The following WDR17 variants were observed in gnomAD, a reference collection of about 807,000 sequenced individuals.
WDR17 encodes WD repeat domain 17, also known as WD repeat-containing protein 17.
WDR17 carries 143 observed loss-of-function variants against 161.7 expected under a neutral mutation model. That is an observed-to-expected ratio of 0.88 (90% CI 0.77 to 1.02). WDR17 has a LOEUF of 1.02. Ranked by LOEUF, WDR17 falls within the 50% of genes least tolerant of loss-of-function variation. The probability of loss-of-function intolerance (pLI) is 0.00; values close to 1 mark genes in which losing one functional copy is unlikely to be tolerated. For missense variants in WDR17, 1,469 were observed against 1,520.9 expected (o/e 0.97, Z 0.57); for synonymous variants, 517 against 515.6 (o/e 1.00, Z -0.04).
chr4:176,180,727 A>G lies in WDR17; in HGVS notation c.*1148A>G, dbSNP rs1307140283. On this transcript the variant is annotated 3_prime_UTR_variant, in exon 29 of 29. Coordinates refer to ENST00000508596, the MANE Select transcript of WDR17 (RefSeq NM_181265.4). ...CTCTGTCTCAAAAAACAAACCAACA[A>G]AAACCACAATTGATTTGATGAAAAT... The G allele has an allele frequency of 6.6e-6, 1 of 152,194 alleles. No homozygotes were observed. Among genetic ancestry groups the G allele is most frequent in the East Asian group, 1.9e-4 (1 of 5,196 alleles). The allele number at this position is 152,194 out of a possible 1,614,324, so 9.4% of individuals were successfully genotyped here. A position where few individuals can be genotyped will look rare whatever the true frequency, so the allele number is the denominator to read the frequency against.
chr4:176,163,224 A>G lies in WDR17; in HGVS notation c.2921A>G (p.Glu974Gly). 6.2e-7 allele frequency: 1 copy of G among 1,612,538 alleles called. No homozygotes were observed. Among genetic ancestry groups the G allele is most frequent in the Non-Finnish European group, 8.5e-7 (1 of 1,179,246 alleles). The change falls in exon 22 of 29, where the codon GAG (glutamate) becomes GGG (glycine). Residue 974 changes from glutamate to glycine, a missense_variant. Coordinates refer to ENST00000508596, the MANE Select transcript of WDR17 (RefSeq NM_181265.4). ...GTCTGTGTGGGCACAGTACTAGGAG[A>G]GTCTGCAGCACCAGCAACCCACTAT... ...LAVCVGTVLGESAAPATHYAL... is the reference protein window; with the variant it reads ...LAVCVGTVLGGSAAPATHYAL...
chr4:176,159,906 A>T, intron 18 of WDR17, 88 bp from the exon 19 acceptor site: 1 of 1,307,580 alleles, frequency 7.6e-7, no homozygotes, highest in African/African-American at 1.5e-5. Context: ...ATCTGCTACA[A>T]ATTTTAGCCA....
chr4:176,080,445 T>C (rs1734595602), intron 1 of WDR17, among the ~76,000 whole-genome samples: 1 of 151,234 alleles, frequency 6.6e-6, no homozygotes, highest in African/African-American at 2.4e-5. Context: ...AACAAAAAGA[T>C]TTTAAAAAAA....
chr4:176,176,267 AATGT>A, intron 26 of WDR17, among the ~76,000 whole-genome samples: 1 of 152,200 alleles, frequency 6.6e-6, no homozygotes, highest in Non-Finnish European at 1.5e-5. Context: ...AAGTTTAGGG[AATGT>A]GTTAGCTTAG....
At chr4:176,108,520 A>G (rs1739180408) in intron 1 of WDR17, among the ~76,000 whole-genome samples, 1 of 152,056 alleles carries the variant, frequency 6.6e-6, no homozygotes, top group Non-Finnish European at 1.5e-5. Context: ...CATTTGTCAA[A>G]ACCTGTATGA....
At chr4:176,148,479 TTTA>T (rs1417168920) in intron 13 of WDR17, 144 bp downstream of exon 13, 1 of 736,482 alleles carries the variant, frequency 1.4e-6, no homozygotes, top group African/African-American at 1.8e-5. Flanking sequence ...AATATACACG[TTTA>T]TTATTATAAT....
chr4:176,177,624 C>T lies in WDR17; in HGVS notation c.3702C>T (p.His1234=). Residue 1234 remains histidine, a synonymous_variant, in exon 28 of 29, where the codon CAC becomes CAT. Transcript: ENST00000508596. ...ATCTTCCAAGTCATTCTGATATTCA[C>T]ATTTCTTGTCTTACGGGATTAAAAA... ...GSNLPSHSDI[H]ISCLTGLKIQ... The T allele has an allele frequency of 6.3e-7, 1 of 1,594,316 alleles. No individual in the cohort carries two copies. The highest frequency in any genetic ancestry group is 8.5e-7 in the Non-Finnish European group (1 of 1,174,844).
chr4:176,145,475 CAA>C (rs1746017030), intron 11 of WDR17, among the ~76,000 whole-genome samples: 1 of 152,196 alleles, frequency 6.6e-6, no homozygotes, highest in Non-Finnish European at 1.5e-5. Flanking sequence ...TCCAATCAGA[CAA>C]CCCTGGTCTG....
chr4:176,149,639 A>G (rs1362458121), intron 13 of WDR17, among the ~76,000 whole-genome samples, 168 bp from the exon 14 acceptor site: 2 of 152,126 alleles, frequency 1.3e-5, no homozygotes, highest in East Asian at 1.9e-4. Context: ...GCATTCTTAT[A>G]TTATTTTCAG....
intron 19 of WDR17, 49 bp downstream of exon 19, chr4:176,160,175 T>C: frequency 6.2e-7 from 1 of 1,603,746 alleles, no homozygotes; most frequent in Non-Finnish European, 8.5e-7. Context: ...CTTGAGCATG[T>C]AGAAGGGAGA....
intron 5 of WDR17, among the ~76,000 whole-genome samples, chr4:176,128,232 C>T (rs1214453900): frequency 2.0e-5 from 3 of 152,192 alleles, no homozygotes; most frequent in Non-Finnish European, 4.4e-5. Flanking sequence ...AACTGCCAGA[C>T]TTTTCTCCAT....
chr4:176,112,331 T>A (rs1452986060), intron 2 of WDR17, among the ~76,000 whole-genome samples: 3 of 152,228 alleles, frequency 2.0e-5, no homozygotes, highest in Non-Finnish European at 4.4e-5. Flanking sequence ...AATCTCTTAA[T>A]AGTCTCTACT....
Position 176,149,824 on chromosome 4 carries a change from A to T in WDR17, c.1915A>T (p.Ser639Cys). ...TTCATCAGGTTTAACCTGCCATCCC[A>T]GTCGCCCCTTCACTATGGCCTCTTG... ...ADVYGLTCHP[S>C]RPFTMASCSR... Residue 639 changes from serine to cysteine, a missense_variant, in exon 14 of 29, where the codon AGT becomes TGT. Transcript: ENST00000508596. 1.9e-6 allele frequency: 3 copies of T among 1,613,138 alleles called. No individual in the cohort carries two copies. The highest frequency in any genetic ancestry group is 2.2e-5 in the East Asian group (1 of 44,862).
At chr4:176,070,544 G>C (rs1733091405) in intron 1 of WDR17, among the ~76,000 whole-genome samples, 1 of 149,514 alleles carries the variant, frequency 6.7e-6, no homozygotes, top group Admixed American at 6.7e-5. Context: ...TTTTTCTTCT[G>C]AGACAGGGTC....
intron 19 of WDR17, among the ~76,000 whole-genome samples, chr4:176,160,446 C>T (rs956412957): frequency 4.8e-4 from 73 of 152,198 alleles, no homozygotes; most frequent in African/African-American, 1.7e-3. Context: ...CTCAGCCTCC[C>T]GAGTAGCTGG....
chr4:176,114,437 T>C (rs1561120525), intron 2 of WDR17, among the ~76,000 whole-genome samples: 1 of 152,002 alleles, frequency 6.6e-6, no homozygotes, highest in Non-Finnish European at 1.5e-5. Flanking sequence ...AGTCAAAAAT[T>C]TTACATACAA....
At chr4:176,112,633 C>T (rs141898365) in intron 2 of WDR17, among the ~76,000 whole-genome samples, 1,687 of 152,174 alleles carry the variant, frequency 0.011, 18 homozygotes, top group Non-Finnish European at 0.016. Flanking sequence ...TCTCATCTTT[C>T]GAATCTCAGC....
intron 20 of WDR17, among the ~76,000 whole-genome samples, chr4:176,161,529 C>T (rs985506730): frequency 6.6e-6 from 1 of 151,884 alleles, no homozygotes; most frequent in African/African-American, 2.4e-5. Context: ...TCTGCCTTCC[C>T]CCATCCTTTC....
At chr4:176,121,150 A>T (rs576979215) in intron 4 of WDR17, among the ~76,000 whole-genome samples, 1 of 152,244 alleles carries the variant, frequency 6.6e-6, no homozygotes, top group Middle Eastern at 3.4e-3. Context: ...TTGATTTGTC[A>T]AAGATTAGCA....
Sources: gnomAD v4.1 joint callset for allele counts (sites outside exome capture counted in the v4.1 genomes callset) on GRCh38, gnomAD v4.1.1 for gene constraint, MANE v1.5 for transcripts, NCBI Gene and HGNC (gene_info 2026-07-23, HGNC 2026-07-21) for gene names.